SPIDR: variants seen among roughly 807,000 people sequenced by gnomAD.
SPIDR encodes the protein DNA repair-scaffolding protein.
A neutral mutation model predicts 104.6 loss-of-function variants in SPIDR; 93 were observed. That is an observed-to-expected ratio of 0.89 (90% CI 0.75 to 1.06). SPIDR has a LOEUF of 1.06. Ranked by LOEUF, SPIDR falls within the 50% of genes least tolerant of loss-of-function variation. The probability of loss-of-function intolerance (pLI) is 0.00; values close to 1 mark genes in which losing one functional copy is unlikely to be tolerated. For synonymous variants in SPIDR, 431 were observed against 416.9 expected (o/e 1.03, Z -0.41); for missense variants, 1,154 against 1,111.2 (o/e 1.04, Z -0.55).
chr8:47,536,090 A>ATG (rs34832365), intron 8 of SPIDR, among the ~76,000 whole-genome samples: 1 of 20,366 alleles, frequency 4.9e-5, no homozygotes, highest in East Asian at 4.8e-3. Flanking sequence ...TAATCTAAAA[A>ATG]TATATATATA....
At chr8:47,587,529 C>G (rs111749104) in intron 8 of SPIDR, among the ~76,000 whole-genome samples, 1 of 150,656 alleles carries the variant, frequency 6.6e-6, no homozygotes, top group Non-Finnish European at 1.5e-5. Flanking sequence ...TCACTTGAAC[C>G]TGGGAGGCAG....
At chr8:47,350,197 CAA>C (rs1197729148) in intron 5 of SPIDR, among the ~76,000 whole-genome samples, 1 of 152,180 alleles carries the variant, frequency 6.6e-6, no homozygotes, top group South Asian at 2.1e-4. Flanking sequence ...TAAATTATAA[CAA>C]AGAATATTTG....
chr8:47,276,361 A>G (rs2036424789), intron 1 of SPIDR, among the ~76,000 whole-genome samples: 1 of 152,278 alleles, frequency 6.6e-6, no homozygotes, highest in East Asian at 1.9e-4. Flanking sequence ...AGCGAAACCT[A>G]CTTTGTGCCT....
chr8:47,699,045 ACT>A (rs568749840), intron 11 of SPIDR, among the ~76,000 whole-genome samples: 68 of 152,296 alleles, frequency 4.5e-4, no homozygotes, highest in Non-Finnish European at 8.2e-4. Context: ...TTTTTTTTAC[ACT>A]CATCTTTTAT....
At chr8:47,692,439 C>A (rs1210632762) in intron 11 of SPIDR, among the ~76,000 whole-genome samples, 1 of 150,306 alleles carries the variant, frequency 6.7e-6, no homozygotes, top group African/African-American at 2.5e-5. Flanking sequence ...TTCACTTTAG[C>A]AGAATGTTTT....
At chr8:47,611,756 A>G (rs1411539832) in intron 10 of SPIDR, among the ~76,000 whole-genome samples, 1 of 152,234 alleles carries the variant, frequency 6.6e-6, no homozygotes, top group Non-Finnish European at 1.5e-5. Flanking sequence ...TAAAGCATTT[A>G]TTACAATTAA....
chr8:47,723,391 C>T (rs1230086179), intron 16 of SPIDR, among the ~76,000 whole-genome samples: 1 of 149,548 alleles, frequency 6.7e-6, no homozygotes, highest in Non-Finnish European at 1.5e-5. Flanking sequence ...ATTATGATTC[C>T]ATTTTCTCTT....
chr8:47,732,032 C>T, intron 19 of SPIDR: 1 of 664,040 alleles, frequency 1.5e-6, no homozygotes, highest in South Asian at 1.7e-5. Context: ...TGGGACGGTG[C>T]TGTGGCAGCA....
intron 10 of SPIDR, among the ~76,000 whole-genome samples, chr8:47,604,007 G>A (rs992470875): frequency 1.3e-5 from 2 of 152,104 alleles, no homozygotes; most frequent in East Asian, 3.9e-4. Flanking sequence ...CAGGTCCTGG[G>A]CCTGCAGTGG....
intron 18 of SPIDR, 119 bp downstream of exon 18, chr8:47,729,166 TG>T (rs1302460688): frequency 2.7e-5 from 41 of 1,533,052 alleles, no homozygotes; most frequent in Non-Finnish European, 3.2e-5. Flanking sequence ...GGGACTCGGC[TG>T]GGATGGCTTG....
At chr8:47,607,666 C>T (rs1359844363) in intron 10 of SPIDR, among the ~76,000 whole-genome samples, 1 of 151,896 alleles carries the variant, frequency 6.6e-6, no homozygotes, top group African/African-American at 2.4e-5. Context: ...ATCCAAGAGT[C>T]TTTCTCCACT....
intron 5 of SPIDR, among the ~76,000 whole-genome samples, chr8:47,295,970 A>G (rs1281500020): frequency 6.6e-6 from 1 of 152,124 alleles, no homozygotes; most frequent in African/African-American, 2.4e-5. Flanking sequence ...TCTTTTTGAT[A>G]GTCTTTCTAA....
chr8:47,531,006 G>A (rs1202602309), intron 8 of SPIDR, among the ~76,000 whole-genome samples: 1 of 151,822 alleles, frequency 6.6e-6, no homozygotes, highest in African/African-American at 2.4e-5. Flanking sequence ...AAACTCCTGG[G>A]CACAAGCGAC....
intron 6 of SPIDR, among the ~76,000 whole-genome samples, chr8:47,400,677 C>CTTTTTTTTTTT (rs35140121): frequency 7.2e-6 from 1 of 139,542 alleles, no homozygotes. Context: ...TTCTTTCTTT[C>CTTTTTTTTTTT]TTTTTTTTTT....
intron 8 of SPIDR, among the ~76,000 whole-genome samples, chr8:47,542,054 T>A (rs933224125): frequency 1.3e-5 from 2 of 152,150 alleles, no homozygotes; most frequent in Non-Finnish European, 2.9e-5. Flanking sequence ...GTTAAACACA[T>A]GCACTTGCTG....
intron 8 of SPIDR, among the ~76,000 whole-genome samples, chr8:47,557,608 G>T (rs2091475412): frequency 6.6e-6 from 1 of 152,138 alleles, no homozygotes; most frequent in Non-Finnish European, 1.5e-5. Flanking sequence ...AACCTGGAGG[G>T]CAAAAACAGG....
At chr8:47,681,325 CTTTG>C (rs1378414992) in intron 11 of SPIDR, among the ~76,000 whole-genome samples, 2 of 151,946 alleles carry the variant, frequency 1.3e-5, no homozygotes, top group Non-Finnish European at 2.9e-5. Context: ...TAAAGTATCT[CTTTG>C]TAAGATCTTC....
At chr8:47,717,748 T>G (rs2082773768) in intron 16 of SPIDR, among the ~76,000 whole-genome samples, 1 of 152,200 alleles carries the variant, frequency 6.6e-6, no homozygotes, top group African/African-American at 2.4e-5. Context: ...TTCAAATGGG[T>G]GTTGAAAACT....
chr8:47,715,845 G>T (rs750344016), intron 16 of SPIDR, among the ~76,000 whole-genome samples: 1 of 152,100 alleles, frequency 6.6e-6, no homozygotes. Flanking sequence ...GAAATTTGGG[G>T]TATGAATCCA....
Sources: gnomAD v4.1 joint callset for allele counts (sites outside exome capture counted in the v4.1 genomes callset) on GRCh38, gnomAD v4.1.1 for gene constraint, MANE v1.5 for transcripts, NCBI Gene and HGNC (gene_info 2026-07-23, HGNC 2026-07-21) for gene names.